The following XKR4 variants were observed in gnomAD, a reference collection of about 807,000 sequenced individuals.
XKR4 encodes XK related 4, also known as XK-related protein 4.
XKR4 carries 12 observed loss-of-function variants against 53.9 expected under a neutral mutation model. That is an observed-to-expected ratio of 0.22 (90% CI 0.14 to 0.36). The LOEUF is 0.36. Ranked by LOEUF, XKR4 falls within the 10% of genes least tolerant of loss-of-function variation. The probability of loss-of-function intolerance (pLI) is 1.00; values close to 1 mark genes in which losing one functional copy is unlikely to be tolerated. For synonymous variants in XKR4, 354 were observed against 362.4 expected (o/e 0.98, Z 0.26); for missense variants, 799 against 859.5 (o/e 0.93, Z 0.88).
intron 1 of XKR4, among the ~76,000 whole-genome samples, chr8:55,235,515 T>C (rs1167725168): frequency 6.6e-6 from 1 of 151,222 alleles, no homozygotes; most frequent in Non-Finnish European, 1.5e-5. Context: ...GTATGTGTTT[T>C]AACTATTGTA....
intron 1 of XKR4, among the ~76,000 whole-genome samples, chr8:55,223,928 T>C (rs932643386): frequency 1.3e-5 from 2 of 152,044 alleles, no homozygotes; most frequent in Non-Finnish European, 2.9e-5. Context: ...GTAGAAAGAA[T>C]AGACTTGCTC....
Position 55,292,390 on chromosome 8 carries a change from T to C in XKR4, c.807-65288T>C, listed in dbSNP as rs200039163. ...CATATGGGTGAGTTATAGTGGTTTG[T>C]GTTTTTTTAAGTAGTTTGTTTCATC... On this transcript the variant is annotated intron_variant, in intron 1 of 2. Transcript: ENST00000327381. Among the ~76,000 whole-genome samples the C allele has an allele frequency of 3.2e-4, 49 of 152,270 alleles. 1 individual carries two copies. The East Asian group carries it at 8.3e-3, about 26-fold the overall frequency.
At chr8:55,449,667 C>A in intron 2 of XKR4, 1 of 893,390 alleles carries the variant, frequency 1.1e-6, no homozygotes, top group East Asian at 2.4e-5. Context: ...ATGCCAGGTG[C>A]CACAGCCTCC....
rs951392550 is a variant in XKR4 at position 55,527,732 on chromosome 8, T to C, written c.*3505T>C. The C allele has an allele frequency of 3.9e-5, 6 of 152,206 alleles. No homozygotes were observed. Among genetic ancestry groups the C allele is most frequent in the Non-Finnish European group, 5.9e-5 (4 of 68,018 alleles). The allele number at this position is 152,206 out of a possible 1,614,324, so 9.4% of individuals were successfully genotyped here. ...AACGCTGTTAACCCAACAAATATAA[T>C]AAATTCTCTTACTGACATGGCAAGA... On this transcript the variant is annotated 3_prime_UTR_variant, in exon 3 of 3. Transcript: ENST00000327381.
At chr8:55,106,950 G>A (rs1816157549) in intron 1 of XKR4, among the ~76,000 whole-genome samples, 1 of 152,094 alleles carries the variant, frequency 6.6e-6, no homozygotes, top group Admixed American at 6.6e-5. Flanking sequence ...ATTAAACAAA[G>A]TTAAACAGCT....
In XKR4 at chr8:55,482,284, A is replaced by T. The variant is rs546692052; in HGVS notation, c.1007-40997A>T. Among the ~76,000 whole-genome samples the T allele has an allele frequency of 3.3e-4, 50 of 152,310 alleles. 1 individual carries two copies. In the South Asian group the frequency reaches 8.7e-3, roughly 27 times the overall value. ...AGCTGGAAACCATCATTCTCAGCAAACTATTGCAAGGACAAAAAACCAAAC... is the reference window on the plus strand; with the variant it reads ...AGCTGGAAACCATCATTCTCAGCAATCTATTGCAAGGACAAAAAACCAAAC... On this transcript the variant is annotated intron_variant, in intron 2 of 2. Coordinates refer to ENST00000327381, the MANE Select transcript of XKR4 (RefSeq NM_052898.2).
intron 1 of XKR4, among the ~76,000 whole-genome samples, chr8:55,166,111 G>A (rs1177137976): frequency 6.6e-6 from 1 of 152,190 alleles, no homozygotes; most frequent in African/African-American, 2.4e-5. Context: ...TGCAAATGAG[G>A]TGGGGGAGGG....
At chr8:55,369,382 G>A (rs1213253044) in intron 2 of XKR4, among the ~76,000 whole-genome samples, 1 of 76,484 alleles carries the variant, frequency 1.3e-5, no homozygotes, top group Non-Finnish European at 2.6e-5. Context: ...GAGGGGAGGG[G>A]AGGGGAGGGG....
rs903254171 is a variant in XKR4, at chr8:55,221,475, C to A, written c.806+118181C>A. ...CAGGGTGTGGCGGTTTCCTGGCCCA[C>A]ACACTGAAGGCCCTGGTTTGCACCC... On this transcript the variant is annotated intron_variant, in intron 1 of 2. Coordinates refer to ENST00000327381, the MANE Select transcript of XKR4 (RefSeq NM_052898.2). Among the ~76,000 whole-genome samples, 4 of 152,166 alleles carry A rather than the reference C, an allele frequency of 2.6e-5. No homozygotes were observed. In the East Asian group the frequency reaches 7.7e-4, roughly 29 times the overall value.
chr8:55,179,894 C>G (rs1366234769), intron 1 of XKR4, among the ~76,000 whole-genome samples: 1 of 152,082 alleles, frequency 6.6e-6, no homozygotes, highest in Non-Finnish European at 1.5e-5. Flanking sequence ...ATCATATTTT[C>G]TTTTCAATGA....
At chr8:55,386,612 C>T (rs190138495) in intron 2 of XKR4, among the ~76,000 whole-genome samples, 7 of 152,262 alleles carry the variant, frequency 4.6e-5, no homozygotes, top group Non-Finnish European at 1.0e-4. Flanking sequence ...TATTTCCACA[C>T]CTGCTGCCAT....
intron 2 of XKR4, among the ~76,000 whole-genome samples, chr8:55,410,985 G>T (rs1333897305): frequency 2.6e-5 from 4 of 152,144 alleles, no homozygotes; most frequent in East Asian, 1.9e-4. Context: ...TCGTGCCTCT[G>T]CCAGGAAGGC....
chr8:55,246,477 A>G (rs1818286884), intron 1 of XKR4, among the ~76,000 whole-genome samples: 1 of 152,210 alleles, frequency 6.6e-6, no homozygotes, highest in Non-Finnish European at 1.5e-5. Context: ...GTACCTACAG[A>G]CAAATTGAAT....
intron 2 of XKR4, among the ~76,000 whole-genome samples, chr8:55,358,140 G>A (rs928424834): frequency 1.3e-5 from 2 of 152,232 alleles, no homozygotes; most frequent in African/African-American, 2.4e-5. Flanking sequence ...CTTGGTCGAT[G>A]TGGGGATAGA....
At chr8:55,342,118 C>T (rs1291090174) in intron 1 of XKR4, among the ~76,000 whole-genome samples, 2 of 151,960 alleles carry the variant, frequency 1.3e-5, no homozygotes, top group Admixed American at 6.5e-5. Context: ...CTAAGTTGCC[C>T]CATCTCTGTA....
At chr8:55,402,716 C>T (rs898587012) in intron 2 of XKR4, among the ~76,000 whole-genome samples, 1 of 152,170 alleles carries the variant, frequency 6.6e-6, no homozygotes, top group Non-Finnish European at 1.5e-5. Flanking sequence ...TTGTCTTGAT[C>T]AGGGTTAAGC....
intron 1 of XKR4, among the ~76,000 whole-genome samples, chr8:55,267,779 T>C (rs770687171): frequency 2.6e-5 from 4 of 152,216 alleles, no homozygotes; most frequent in African/African-American, 7.2e-5. Context: ...GATTACTCTC[T>C]GAACTTAAGG....
intron 2 of XKR4, among the ~76,000 whole-genome samples, chr8:55,476,348 C>A (rs1370919694): frequency 6.6e-6 from 1 of 152,010 alleles, no homozygotes; most frequent in African/African-American, 2.4e-5. Flanking sequence ...GAATGCTCCC[C>A]CCAGAGGTCA....
intron 1 of XKR4, among the ~76,000 whole-genome samples, chr8:55,138,330 T>A (rs1473077844): frequency 6.6e-6 from 1 of 152,180 alleles, no homozygotes; most frequent in East Asian, 1.9e-4. Context: ...CCCAATTTAT[T>A]CTACCCCTCC....
Sources: allele counts gnomAD v4.1 joint callset (sites outside exome capture counted in the v4.1 genomes callset), GRCh38; gene constraint gnomAD v4.1.1; transcripts MANE v1.5; gene names NCBI Gene and HGNC (gene_info 2026-07-23, HGNC 2026-07-21).